The following CPSF6 variants were observed in gnomAD, a reference collection of about 807,000 sequenced individuals.
CPSF6 encodes the protein cleavage and polyadenylation specificity factor subunit 6.
CPSF6 carries 10 observed loss-of-function variants against 56.7 expected under a neutral mutation model. The observed-to-expected ratio is 0.18, with a 90% CI of 0.11 to 0.30. The LOEUF (loss-of-function observed/expected upper bound fraction) is 0.30. CPSF6 is among the 10% of genes least tolerant of loss of function. The pLI is 1.00. For synonymous variants in CPSF6, 248 were observed against 244.8 expected (o/e 1.01, Z -0.12); for missense variants, 419 against 722.9 (o/e 0.58, Z 4.82).
At chr12:69,261,298 G>A (rs1407293256) in intron 8 of CPSF6, among the ~76,000 whole-genome samples, 2 of 152,182 alleles carry the variant, frequency 1.3e-5, no homozygotes, top group East Asian at 1.9e-4. Context: ...GAAGTCCAAA[G>A]TAATAATTTT....
At chr12:69,267,105 TTAG>T (rs1477039589) in intron 9 of CPSF6, among the ~76,000 whole-genome samples, 2 of 152,032 alleles carry the variant, frequency 1.3e-5, no homozygotes, top group African/African-American at 4.8e-5. Context: ...TTTCGTTGAG[TTAG>T]TAGTGCATCT....
At chr12:69,250,700 G>T (rs1474448085) in intron 1 of CPSF6, among the ~76,000 whole-genome samples, 3 of 151,266 alleles carry the variant, frequency 2.0e-5, no homozygotes, top group African/African-American at 7.3e-5. Context: ...AGGCTGGAGT[G>T]CAATGGCACG....
intron 7 of CPSF6, 90 bp from the exon 8 acceptor site, chr12:69,259,954 A>G: frequency 1.1e-5 from 15 of 1,336,914 alleles, no homozygotes; most frequent in Non-Finnish European, 1.6e-5. Flanking sequence ...GTACTTTTGT[A>G]AAATGCCTTA....
At chr12:69,262,623 A>G (rs971272083) in intron 9 of CPSF6, 61 bp downstream of exon 9, 17 of 1,525,022 alleles carry the variant, frequency 1.1e-5, no homozygotes, top group Non-Finnish European at 1.3e-5. Flanking sequence ...TATAACTCCA[A>G]GGCTACTGTT....
chr12:69,251,392 C>T, intron 2 of CPSF6, 54 bp downstream of exon 2: 1 of 1,139,522 alleles, frequency 8.8e-7, no homozygotes, highest in South Asian at 1.5e-5. Context: ...TTGAACTGCT[C>T]TAGTAATTAA....
intron 3 of CPSF6, 26 bp from the exon 4 acceptor site, chr12:69,256,671 A>T (rs772838702): frequency 1.5e-5 from 24 of 1,590,204 alleles, no homozygotes; most frequent in Non-Finnish European, 1.9e-5. Context: ...TTTACTTTGT[A>T]TCCTCACCCC....
chr12:69,268,652 G>A (rs539920583), intron 9 of CPSF6, among the ~76,000 whole-genome samples: 1 of 151,612 alleles, frequency 6.6e-6, no homozygotes, highest in East Asian at 1.9e-4. Flanking sequence ...TTTCATTACC[G>A]ACTGTTTCAG....
intron 1 of CPSF6, 85 bp downstream of exon 1, chr12:69,239,791 C>A: frequency 7.4e-7 from 1 of 1,344,744 alleles, no homozygotes; most frequent in Non-Finnish European, 9.9e-7. Flanking sequence ...GGCCGCGAGC[C>A]GAAGCGACTG....
intron 1 of CPSF6, among the ~76,000 whole-genome samples, chr12:69,240,287 T>C (rs1871544341): frequency 6.6e-6 from 1 of 152,080 alleles, no homozygotes; most frequent in East Asian, 2.0e-4. Flanking sequence ...GCTCTCCTTC[T>C]CGGGTTTGCG....
At chr12:69,250,612 A>AAAAAAAG (rs1565644817) in intron 1 of CPSF6, among the ~76,000 whole-genome samples, 6 of 50,300 alleles carry the variant, frequency 1.2e-4, no homozygotes, top group Admixed American at 1.9e-4. Context: ...AAAAAAGAAA[A>AAAAAAAG]AAAAGAAAAG....
intron 1 of CPSF6, among the ~76,000 whole-genome samples, chr12:69,245,905 G>A (rs977814086): frequency 3.9e-5 from 6 of 152,158 alleles, no homozygotes. Flanking sequence ...GGCCAACATG[G>A]CGAAACCCCT....
chr12:69,267,290 G>A (rs1873037709), intron 9 of CPSF6, among the ~76,000 whole-genome samples: 1 of 152,006 alleles, frequency 6.6e-6, no homozygotes. Context: ...AATTTGAGTT[G>A]TTAATAATGG....
chr12:69,240,544 A>T (rs1402113373), intron 1 of CPSF6, among the ~76,000 whole-genome samples: 1 of 152,180 alleles, frequency 6.6e-6, no homozygotes, highest in Non-Finnish European at 1.5e-5. Flanking sequence ...CGATGGTTGG[A>T]TGGAACAAAA....
rs1457078814 is a variant in CPSF6, at chr12:69,269,618, A to C, written c.*110A>C. ...GATTGAACTGAACCTGTAAGGATTC[A>C]TGGATAAAATGAACAGGAATAGATC... On this transcript the variant is annotated 3_prime_UTR_variant, in exon 10 of 10. Coordinates refer to ENST00000435070, the MANE Select transcript of CPSF6 (RefSeq NM_007007.3). The C allele has an allele frequency of 7.4e-6, 3 of 402,856 alleles. No individual in the cohort carries two copies. Among genetic ancestry groups the C allele is most frequent in the African/African-American group, 4.2e-5 (2 of 47,378 alleles). The allele number at this position is 402,856 out of a possible 1,614,324, so 25.0% of individuals were successfully genotyped here.
At chr12:69,245,920 C>T (rs923681968) in intron 1 of CPSF6, among the ~76,000 whole-genome samples, 1 of 152,138 alleles carries the variant, frequency 6.6e-6, no homozygotes, top group Non-Finnish European at 1.5e-5. Context: ...ACCCCTGTCT[C>T]TACTAAAAAT....
rs1475584639 is a variant in CPSF6 at position 69,258,148 on chromosome 12, CTT to C, written c.694+245_694+246del. 4.1e-6 allele frequency: 6 copies of C among 1,456,888 alleles called. No individual in the cohort carries two copies. The highest frequency in any genetic ancestry group is 5.6e-6 in the Non-Finnish European group (6 of 1,076,782). 90.2% of individuals were successfully genotyped at this position (1,456,888 alleles called of 1,614,324 possible). On this transcript the variant is annotated intron_variant, in intron 5 of 9. Coordinates refer to ENST00000435070, the MANE Select transcript of CPSF6 (RefSeq NM_007007.3). The surrounding 1 kb of genome is among the most constrained non-coding windows in gnomAD (Gnocchi z 4.2). Reference sequence around the variant, plus strand: ...AATACCCATTTTTGGCCTAAAAGGTCTTTATTTTTCTCCAAACTTGCTTGACT... The same window carrying C: ...AATACCCATTTTTGGCCTAAAAGGTCTATTTTTCTCCAAACTTGCTTGACT...
intron 9 of CPSF6, among the ~76,000 whole-genome samples, chr12:69,265,764 G>A (rs909285872): frequency 6.6e-5 from 10 of 151,654 alleles, no homozygotes; most frequent in African/African-American, 2.2e-4. Flanking sequence ...CACCACGCCC[G>A]GCTAATTTTG....
intron 3 of CPSF6, among the ~76,000 whole-genome samples, chr12:69,253,414 T>C (rs1177111552): frequency 2.0e-5 from 3 of 152,156 alleles, no homozygotes; most frequent in Admixed American, 2.0e-4. Flanking sequence ...TCTCTATCTG[T>C]GGTTGAAATG....
intron 1 of CPSF6, among the ~76,000 whole-genome samples, chr12:69,241,975 A>G (rs1871646668): frequency 6.6e-6 from 1 of 151,702 alleles, no homozygotes; most frequent in Non-Finnish European, 1.5e-5. Context: ...TTCAGAGCTT[A>G]TCTTGTTTTT....
Sources: allele counts gnomAD v4.1 joint callset (sites outside exome capture counted in the v4.1 genomes callset), GRCh38; gene constraint gnomAD v4.1.1; non-coding constraint Gnocchi (gnomAD v3.1); transcripts MANE v1.5; gene names NCBI Gene and HGNC (gene_info 2026-07-23, HGNC 2026-07-21).